The following PARD3B variants were observed in gnomAD, a reference collection of about 807,000 sequenced individuals.
The protein encoded by PARD3B is par-3 family cell polarity regulator beta, also known as partitioning defective 3 homolog B.
PARD3B carries 103 observed loss-of-function variants against 130.2 expected under a neutral mutation model. That is an observed-to-expected ratio of 0.79 (90% CI 0.67 to 0.93). The LOEUF (loss-of-function observed/expected upper bound fraction) is 0.93, where lower values mean the gene tolerates loss of function less well. PARD3B is among the 40% of genes least tolerant of loss of function. PARD3B has a pLI of 0.00. For synonymous variants in PARD3B, 583 were observed against 553.2 expected, an observed-to-expected ratio of 1.05 and a Z score of -0.76; for missense variants, 1,609 against 1,499.2, an observed-to-expected ratio of 1.07 and a Z score of -1.21.
chr2:204,856,320 T>A (rs2044936993), intron 2 of PARD3B, among the ~76,000 whole-genome samples: 1 of 152,212 alleles, frequency 6.6e-6, no homozygotes, highest in South Asian at 2.1e-4. Flanking sequence ...TATTTTCATA[T>A]ATATTTTGGT....
chr2:204,933,362 G>A (rs966726799), intron 2 of PARD3B, among the ~76,000 whole-genome samples: 9 of 152,112 alleles, frequency 5.9e-5, no homozygotes, highest in Non-Finnish European at 1.2e-4. Context: ...AGATCACAGG[G>A]ACTTTAATTA....
rs2053735912 is a variant in PARD3B, at chr2:205,575,725, T to C, written c.3260+22322T>C. On this transcript the variant is annotated intron_variant, in intron 22 of 22. Coordinates refer to ENST00000406610, the MANE Select transcript of PARD3B (RefSeq NM_001302769.2). The surrounding 1 kb of genome is among the most constrained non-coding windows in gnomAD (Gnocchi z 4.6). ...TTGATAGCTCATTTCTTTCTAAGGCTGAATAATATTCCAGTGTTTGGTTGT... is the reference window on the plus strand; with the variant it reads ...TTGATAGCTCATTTCTTTCTAAGGCCGAATAATATTCCAGTGTTTGGTTGT... Among the ~76,000 whole-genome samples the C allele has an allele frequency of 6.6e-6, 1 of 152,198 alleles. No individual in the cohort carries two copies. The highest frequency in any genetic ancestry group is 1.5e-5 in the Non-Finnish European group (1 of 68,036).
chr2:205,234,095 A>G (rs891376622), intron 15 of PARD3B, among the ~76,000 whole-genome samples: 1 of 152,214 alleles, frequency 6.6e-6, no homozygotes, highest in African/African-American at 2.4e-5. Flanking sequence ...AAGATCAACC[A>G]TAACAATAGT....
chr2:204,556,293 G>A (rs2030917438), intron 1 of PARD3B, among the ~76,000 whole-genome samples: 1 of 152,072 alleles, frequency 6.6e-6, no homozygotes, highest in Non-Finnish European at 1.5e-5. Flanking sequence ...TCTAGGTCTG[G>A]GATGCTCAAG....
At chr2:205,509,225 G>GA (rs1026710149) in intron 21 of PARD3B, among the ~76,000 whole-genome samples, 9 of 151,950 alleles carry the variant, frequency 5.9e-5, no homozygotes, top group Admixed American at 5.2e-4. Flanking sequence ...TTCCCATAGG[G>GA]AAAAAATATA....
At chr2:205,056,578 C>T (rs75361015) in intron 4 of PARD3B, among the ~76,000 whole-genome samples, 11,469 of 150,674 alleles carry the variant, frequency 0.076, 514 homozygotes, top group Middle Eastern at 0.23. Context: ...TTCTGACAGA[C>T]TAAAACCATT....
intron 15 of PARD3B, among the ~76,000 whole-genome samples, chr2:205,240,307 A>T (rs1188413078): frequency 6.6e-6 from 1 of 152,156 alleles, no homozygotes; most frequent in Non-Finnish European, 1.5e-5. Context: ...CTGTTAAGGG[A>T]TTACTTGATA....
chr2:205,108,350 G>T (rs1260697583), intron 5 of PARD3B, among the ~76,000 whole-genome samples: 1 of 151,968 alleles, frequency 6.6e-6, no homozygotes, highest in Non-Finnish European at 1.5e-5. Context: ...TTCATTTTCT[G>T]CAAATTAAGT....
At chr2:204,797,793 G>A (rs1296682666) in intron 2 of PARD3B, among the ~76,000 whole-genome samples, 1 of 152,134 alleles carries the variant, frequency 6.6e-6, no homozygotes, top group Non-Finnish European at 1.5e-5. Flanking sequence ...TTGGAAGAAT[G>A]TCATTGAACC....
At chr2:204,854,030 G>A (rs1294088575) in intron 2 of PARD3B, among the ~76,000 whole-genome samples, 1 of 152,130 alleles carries the variant, frequency 6.6e-6, no homozygotes, top group Non-Finnish European at 1.5e-5. Flanking sequence ...AAGGAGTAGG[G>A]CATTTTTGGT....
At chr2:205,434,607 G>A (rs1027463181) in intron 19 of PARD3B, among the ~76,000 whole-genome samples, 2 of 152,120 alleles carry the variant, frequency 1.3e-5, no homozygotes, top group African/African-American at 4.8e-5. Context: ...TTGTGGAGCT[G>A]TTTATGAATA....
intron 18 of PARD3B, among the ~76,000 whole-genome samples, chr2:205,355,640 A>G (rs982311342): frequency 1.3e-5 from 2 of 152,160 alleles, no homozygotes; most frequent in African/African-American, 4.8e-5. Context: ...GTGGGTGAAG[A>G]TATTGGTTTT....
intron 2 of PARD3B, among the ~76,000 whole-genome samples, chr2:204,902,466 G>C (rs990983683): frequency 6.6e-6 from 1 of 151,960 alleles, no homozygotes; most frequent in African/African-American, 2.4e-5. Flanking sequence ...TCAGGAGATC[G>C]AGACCATCCT....
chr2:204,949,833 G>A (rs1458194479), intron 2 of PARD3B, among the ~76,000 whole-genome samples: 7 of 152,044 alleles, frequency 4.6e-5, no homozygotes, highest in Non-Finnish European at 2.9e-5. Flanking sequence ...ATTGGCCTGG[G>A]CTGGGAGTTG....
At chr2:204,724,496 T>C (rs1169837517) in intron 2 of PARD3B, among the ~76,000 whole-genome samples, 1 of 152,200 alleles carries the variant, frequency 6.6e-6, no homozygotes, top group Admixed American at 6.5e-5. Flanking sequence ...AAATTATTGC[T>C]TTCTTATTCA....
intron 4 of PARD3B, among the ~76,000 whole-genome samples, chr2:205,074,457 A>G (rs1700921831): frequency 6.6e-6 from 1 of 152,212 alleles, no homozygotes; most frequent in Admixed American, 6.5e-5. Flanking sequence ...CGACTTCAGA[A>G]AAACTATCGT....
rs1432045712 is a variant in PARD3B, at chr2:204,933,844, T to C, written c.223-31308T>C. On this transcript the variant is annotated intron_variant, in intron 2 of 22. Coordinates refer to ENST00000406610, the MANE Select transcript of PARD3B (RefSeq NM_001302769.2). ...TAAGTGTCAAAAATGACATAGATTG[T>C]AATTTGCAGTATTACCTTTGCCATT... is the stretch of plus-strand genomic sequence containing the variant. Among the ~76,000 whole-genome samples the C allele has an allele frequency of 2.6e-5, 4 of 152,340 alleles. No individual in the cohort carries two copies. The South Asian group carries it at 8.3e-4, about 32-fold the overall frequency.
chr2:204,802,310 T>G (rs1227923811), intron 2 of PARD3B, among the ~76,000 whole-genome samples: 1 of 152,098 alleles, frequency 6.6e-6, no homozygotes, highest in African/African-American at 2.4e-5. Context: ...CATGCCAGAT[T>G]GAATGACGAT....
At chr2:204,746,469 T>C (rs2040233700) in intron 2 of PARD3B, among the ~76,000 whole-genome samples, 1 of 152,120 alleles carries the variant, frequency 6.6e-6, no homozygotes, top group Non-Finnish European at 1.5e-5. Context: ...TATAGCAGCA[T>C]GATTTATAAT....
Sources: allele counts gnomAD v4.1 joint callset (sites outside exome capture counted in the v4.1 genomes callset), GRCh38; gene constraint gnomAD v4.1.1; non-coding constraint Gnocchi (gnomAD v3.1); transcripts MANE v1.5; gene names NCBI Gene and HGNC (gene_info 2026-07-23, HGNC 2026-07-21).